Variants in PPM1E observed in about 807,000 individuals in gnomAD.
PPM1E encodes the protein protein phosphatase, Mg2+/Mn2+ dependent 1E.
In PPM1E, 20 loss-of-function variants were observed where a neutral mutation model predicts 65.9. That is an observed-to-expected ratio of 0.30 (90% CI 0.21 to 0.44). The LOEUF is 0.44. PPM1E is among the 20% of genes least tolerant of loss of function. The pLI is 1.00. For synonymous variants in PPM1E, 352 were observed against 374.9 expected, an observed-to-expected ratio of 0.94 and a Z score of 0.70; for missense variants, 713 against 953.1, an observed-to-expected ratio of 0.75 and a Z score of 3.32.
chr17:58,886,468 T>C (rs1299739228), intron 1 of PPM1E, among the ~76,000 whole-genome samples: 1 of 152,050 alleles, frequency 6.6e-6, no homozygotes, highest in Non-Finnish European at 1.5e-5. Flanking sequence ...ATGGAAAGAG[T>C]TTGAATTCCC....
rs565543851 is a variant in PPM1E, at chr17:58,836,239, G to T, written c.464+79778G>T. 4.1e-4 allele frequency among the ~76,000 whole-genome samples: 63 copies of T among 152,032 alleles called. No homozygotes were observed. The South Asian group carries it at 6.0e-3, about 15-fold the overall frequency. ...GACAAGACTACTAACTTTATCTTTTGTGTTACCCAGATTAAAATTCTTTCA... is the reference window on the plus strand; with the variant it reads ...GACAAGACTACTAACTTTATCTTTTTTGTTACCCAGATTAAAATTCTTTCA... On this transcript the variant is annotated intron_variant, in intron 1 of 6. Coordinates refer to ENST00000308249, the MANE Select transcript of PPM1E (RefSeq NM_014906.5).
chr17:58,815,247 A>C (rs2143110764), intron 1 of PPM1E, among the ~76,000 whole-genome samples: 1 of 152,354 alleles, frequency 6.6e-6, no homozygotes, highest in South Asian at 2.1e-4. Context: ...TTATAGCTGA[A>C]TGCCATTGTG....
At chr17:58,921,810 G>C (rs939309890) in intron 1 of PPM1E, among the ~76,000 whole-genome samples, 1 of 152,054 alleles carries the variant, frequency 6.6e-6, no homozygotes, top group Non-Finnish European at 1.5e-5. Context: ...GGAGGCCGAG[G>C]TGGGTGGATT....
chr17:58,852,838 G>A (rs1022204072), intron 1 of PPM1E, among the ~76,000 whole-genome samples: 1 of 152,022 alleles, frequency 6.6e-6, no homozygotes, highest in African/African-American at 2.4e-5. Flanking sequence ...TCTTGACCTC[G>A]TGATTCGCCT....
chr17:58,896,795 A>G (rs1185400302), intron 1 of PPM1E, among the ~76,000 whole-genome samples: 1 of 152,192 alleles, frequency 6.6e-6, no homozygotes, highest in East Asian at 1.9e-4. Flanking sequence ...CAATGTAGAC[A>G]AAACAGCCTT....
At chr17:58,882,602 G>A (rs1240307122) in intron 1 of PPM1E, among the ~76,000 whole-genome samples, 1 of 152,012 alleles carries the variant, frequency 6.6e-6, no homozygotes, top group Admixed American at 6.6e-5. Context: ...TGTTGGCCAG[G>A]CTGGTCTCAA....
intron 2 of PPM1E, among the ~76,000 whole-genome samples, chr17:58,957,259 A>G (rs955863640): frequency 2.6e-5 from 4 of 152,102 alleles, no homozygotes; most frequent in African/African-American, 9.7e-5. Flanking sequence ...TTTCCATTTC[A>G]AGCAGCAATT....
At chr17:58,768,435 C>G (rs1164793869) in intron 1 of PPM1E, among the ~76,000 whole-genome samples, 2 of 152,110 alleles carry the variant, frequency 1.3e-5, no homozygotes, top group Non-Finnish European at 2.9e-5. Context: ...TTTGTAGATG[C>G]TGTTTCTTCT....
rs79170267 is a variant in PPM1E at position 58,818,628 on chromosome 17, G to A, written c.464+62167G>A. ...GTTCATTATTTGCTTGGTATTTCAG[G>A]TACTGGCAACCCATATATGAGCCAA... On this transcript the variant is annotated intron_variant, in intron 1 of 6. Transcript: ENST00000308249. 2.8e-3 allele frequency among the ~76,000 whole-genome samples: 430 copies of A among 152,116 alleles called. 1 individual carries two copies. Among genetic ancestry groups the A allele is most frequent in the Non-Finnish European group, 5.4e-3 (364 of 67,988 alleles).
At chr17:58,916,459 C>A (rs186259256) in intron 1 of PPM1E, among the ~76,000 whole-genome samples, 1 of 152,102 alleles carries the variant, frequency 6.6e-6, no homozygotes, top group Non-Finnish European at 1.5e-5. Flanking sequence ...AGCTTGCTGT[C>A]ATTTAAAAAA....
intron 1 of PPM1E, among the ~76,000 whole-genome samples, chr17:58,927,844 AG>A (rs2051843517): frequency 1.3e-5 from 2 of 152,034 alleles, no homozygotes; most frequent in Non-Finnish European, 2.9e-5. Context: ...GGATCATCTG[AG>A]GTCAGGAGTT....
At chr17:58,884,094 C>A (rs2051238838) in intron 1 of PPM1E, among the ~76,000 whole-genome samples, 1 of 152,148 alleles carries the variant, frequency 6.6e-6, no homozygotes, top group South Asian at 2.1e-4. Flanking sequence ...TACCTGGTGT[C>A]CTCTAATCTC....
chr17:58,803,890 G>A (rs768828653), intron 1 of PPM1E, among the ~76,000 whole-genome samples: 1 of 152,166 alleles, frequency 6.6e-6, no homozygotes, highest in Non-Finnish European at 1.5e-5. Context: ...GAATAGTAGT[G>A]TTTTAAAATA....
chr17:58,954,445 C>T (rs2052285335), intron 1 of PPM1E, among the ~76,000 whole-genome samples: 1 of 152,106 alleles, frequency 6.6e-6, no homozygotes, highest in South Asian at 2.1e-4. Context: ...AATAGAAATT[C>T]CTTACCATCA....
chr17:58,812,846 C>G (rs1242852845), intron 1 of PPM1E, among the ~76,000 whole-genome samples: 1 of 152,186 alleles, frequency 6.6e-6, no homozygotes, highest in Non-Finnish European at 1.5e-5. Flanking sequence ...GGATTACAGG[C>G]ATGAGCCACC....
chr17:58,976,379 A>C (rs1277880231), intron 6 of PPM1E, among the ~76,000 whole-genome samples: 1 of 152,192 alleles, frequency 6.6e-6, no homozygotes, highest in Non-Finnish European at 1.5e-5. Context: ...CATTTACCAA[A>C]ATCCAGTAGC....
intron 1 of PPM1E, among the ~76,000 whole-genome samples, chr17:58,953,075 AC>A (rs1278067354): frequency 1.3e-5 from 2 of 152,176 alleles, no homozygotes; most frequent in African/African-American, 4.8e-5. Flanking sequence ...TCCCGCTGTA[AC>A]CCAATATACC....
At chr17:58,946,948 T>TA (rs1156368057) in intron 1 of PPM1E, among the ~76,000 whole-genome samples, 5 of 152,024 alleles carry the variant, frequency 3.3e-5, no homozygotes, top group Non-Finnish European at 5.9e-5. Flanking sequence ...TTAGGAGTTT[T>TA]ATGAGTTTTA....
At chr17:58,887,560 A>G (rs116838746) in intron 1 of PPM1E, among the ~76,000 whole-genome samples, 1,696 of 152,344 alleles carry the variant, frequency 0.011, 37 homozygotes, top group African/African-American at 0.039. Context: ...AGAGGAATCA[A>G]TAAGTATAGA....
Sources: allele counts gnomAD v4.1 joint callset (sites outside exome capture counted in the v4.1 genomes callset), GRCh38; gene constraint gnomAD v4.1.1; transcripts MANE v1.5; gene names NCBI Gene and HGNC (gene_info 2026-07-23, HGNC 2026-07-21).